EXOC6B: variants seen among roughly 807,000 people sequenced by gnomAD.
EXOC6B encodes the protein SEC15 homolog B.
A neutral mutation model predicts 113.5 loss-of-function variants in EXOC6B; 54 were observed. That is an observed-to-expected ratio of 0.48 (90% confidence interval 0.38 to 0.60). The LOEUF is 0.60. Ranked by LOEUF, EXOC6B falls within the 20% of genes least tolerant of loss-of-function variation. The pLI is 0.00. For missense variants in EXOC6B, 797 were observed against 977.5 expected (o/e 0.82, Z 2.46); for synonymous variants, 357 against 339.0 (o/e 1.05, Z -0.58).
intron 6 of EXOC6B, among the ~76,000 whole-genome samples, chr2:72,698,695 C>T (rs1234643464): frequency 2.0e-5 from 3 of 152,090 alleles, no homozygotes; most frequent in East Asian, 1.9e-4. Context: ...TTACCACTGC[C>T]GACAGCAAAA....
At chr2:72,375,350 G>A (rs1291758396) in intron 19 of EXOC6B, among the ~76,000 whole-genome samples, 2 of 152,112 alleles carry the variant, frequency 1.3e-5, no homozygotes, top group Non-Finnish European at 2.9e-5. Context: ...CACAGTAACA[G>A]CAGAAAACAC....
intron 19 of EXOC6B, among the ~76,000 whole-genome samples, chr2:72,356,462 T>A (rs1207074659): frequency 2.6e-5 from 4 of 152,082 alleles, no homozygotes; most frequent in Admixed American, 6.6e-5. Flanking sequence ...AACCCAGGAA[T>A]TCAAGGCTGT....
intron 20 of EXOC6B, among the ~76,000 whole-genome samples, chr2:72,302,317 T>G (rs1686581816): frequency 6.6e-6 from 1 of 152,210 alleles, no homozygotes; most frequent in African/African-American, 2.4e-5. Flanking sequence ...ATATTCCTGT[T>G]GTTTTCGGGG....
intron 2 of EXOC6B, among the ~76,000 whole-genome samples, chr2:72,736,017 C>G (rs943047804): frequency 6.6e-6 from 1 of 151,758 alleles, no homozygotes; most frequent in Non-Finnish European, 1.5e-5. Context: ...AACCCCCTCT[C>G]TACAAAAATA....
chr2:72,183,052 T>C, intron 21 of EXOC6B: 1 of 428,536 alleles, frequency 2.3e-6, no homozygotes. Flanking sequence ...TGCTCTTGCC[T>C]ACCCTTCATC....
At chr2:72,201,452 A>G (rs1274077112) in intron 20 of EXOC6B, among the ~76,000 whole-genome samples, 1 of 152,150 alleles carries the variant, frequency 6.6e-6, no homozygotes, top group Non-Finnish European at 1.5e-5. Flanking sequence ...ATAGCAGGCC[A>G]TTTAGTGAAC....
intron 19 of EXOC6B, among the ~76,000 whole-genome samples, chr2:72,353,386 T>TGTATTGTATTGTATTG (rs774320429): frequency 6.6e-5 from 10 of 151,554 alleles, no homozygotes; most frequent in South Asian, 2.1e-4. Context: ...TGTATCGTAT[T>TGTATTGTATTGTATTG]TTTGAGATGG....
At chr2:72,527,175 A>C (rs142284214) in intron 8 of EXOC6B, among the ~76,000 whole-genome samples, 1 of 152,146 alleles carries the variant, frequency 6.6e-6, no homozygotes, top group Non-Finnish European at 1.5e-5. Context: ...AGAATGTTAC[A>C]AAAATGAAAT....
At chr2:72,337,903 T>A (rs527289656) in intron 19 of EXOC6B, among the ~76,000 whole-genome samples, 1 of 152,130 alleles carries the variant, frequency 6.6e-6, no homozygotes, top group Non-Finnish European at 1.5e-5. Context: ...GTTCAACCAA[T>A]ATTGTGTTTT....
chr2:72,227,230 A>C (rs903164893), intron 20 of EXOC6B, among the ~76,000 whole-genome samples: 2 of 152,194 alleles, frequency 1.3e-5, no homozygotes, highest in African/African-American at 4.8e-5. Context: ...ATAAGAGATA[A>C]ATTTAAAATA....
intron 19 of EXOC6B, among the ~76,000 whole-genome samples, chr2:72,338,652 TATTAAAAAATGTTAATAGC>T (rs1688838493): frequency 6.6e-6 from 1 of 152,152 alleles, no homozygotes; most frequent in African/African-American, 2.4e-5. Flanking sequence ...TTTTTACATA[TATTAAAAAATGTTAATAGC>T]ATTAGAAAAT....
intron 17 of EXOC6B, among the ~76,000 whole-genome samples, chr2:72,471,695 T>G (rs1698421200): frequency 6.6e-6 from 1 of 152,180 alleles, no homozygotes; most frequent in African/African-American, 2.4e-5. Flanking sequence ...TGCCTTTTAT[T>G]TCTTTCTCTT....
At chr2:72,532,776 C>A (rs879397101) in intron 8 of EXOC6B, among the ~76,000 whole-genome samples, 21 of 151,982 alleles carry the variant, frequency 1.4e-4, no homozygotes, top group Non-Finnish European at 1.8e-4. Flanking sequence ...CCACTGTGCT[C>A]CAGCCTGGGT....
intron 6 of EXOC6B, among the ~76,000 whole-genome samples, chr2:72,698,421 A>G (rs1429941294): frequency 6.6e-6 from 1 of 152,204 alleles, no homozygotes; most frequent in Non-Finnish European, 1.5e-5. Flanking sequence ...GAAGGAGGTA[A>G]ACTCTTCACC....
chr2:72,561,782 C>T (rs1196484454), intron 7 of EXOC6B, among the ~76,000 whole-genome samples: 2 of 152,078 alleles, frequency 1.3e-5, no homozygotes, highest in African/African-American at 4.8e-5. Flanking sequence ...TATTTACAAC[C>T]AAATCTATTC....
chr2:72,713,930 T>C (rs952779471), intron 6 of EXOC6B, among the ~76,000 whole-genome samples: 1 of 152,146 alleles, frequency 6.6e-6, no homozygotes, highest in Admixed American at 6.6e-5. Context: ...CAAGCCTCCT[T>C]TGCAGTGATT....
At position 72,234,387 on chromosome 2, in the gene EXOC6B, TCTTTA is replaced by T. The variant is rs568614492; in HGVS notation, c.2197-50205_2197-50201del. Among the ~76,000 whole-genome samples the T allele has an allele frequency of 8.7e-3, 1,322 of 152,252 alleles. 9 individuals carry two copies. The highest frequency in any genetic ancestry group is 0.014 in the Non-Finnish European group (968 of 68,016). ...TGTGAGGCACTGCGCCCAGCCTTCT[TCTTTA>T]CTTTATGTACAAAATTCAACTCAAG... On this transcript the variant is annotated intron_variant, in intron 20 of 21. Transcript: ENST00000272427.
At chr2:72,244,768 G>A (rs1682546592) in intron 20 of EXOC6B, among the ~76,000 whole-genome samples, 2 of 152,032 alleles carry the variant, frequency 1.3e-5, no homozygotes, top group Non-Finnish European at 2.9e-5. Context: ...AATATTACAG[G>A]AACTAGTAGC....
chr2:72,570,155 A>G (rs1704432639), intron 7 of EXOC6B, among the ~76,000 whole-genome samples: 1 of 152,136 alleles, frequency 6.6e-6, no homozygotes, highest in Non-Finnish European at 1.5e-5. Flanking sequence ...TTATAAAAAG[A>G]GGAAGACACA....
Sources: gnomAD v4.1 joint callset for allele counts (sites outside exome capture counted in the v4.1 genomes callset) on GRCh38, gnomAD v4.1.1 for gene constraint, MANE v1.5 for transcripts, NCBI Gene and HGNC (gene_info 2026-07-23, HGNC 2026-07-21) for gene names.